The following PCDH7 variants were observed in gnomAD, a reference collection of about 807,000 sequenced individuals.
PCDH7 encodes protocadherin-7.
A neutral mutation model predicts 58.9 loss-of-function variants in PCDH7; 17 were observed. That is an observed-to-expected ratio of 0.29 (90% CI 0.20 to 0.43). PCDH7 has a LOEUF of 0.43. Ranked by LOEUF, PCDH7 falls within the 20% of genes least tolerant of loss-of-function variation. The probability of loss-of-function intolerance (pLI) is 1.00; values close to 1 mark genes in which losing one functional copy is unlikely to be tolerated. For missense variants in PCDH7, 1,274 were observed against 1,441.0 expected (o/e 0.88, Z 1.88); for synonymous variants, 664 against 616.4 (o/e 1.08, Z -1.14).
chr4:30,849,864 G>A (rs1732484547), intron 1 of PCDH7, among the ~76,000 whole-genome samples: 1 of 152,034 alleles, frequency 6.6e-6, no homozygotes, highest in African/African-American at 2.4e-5. Flanking sequence ...ATCTGTGTTA[G>A]TCTGGGACTT....
At chr4:31,052,406 G>A (rs545883320) in intron 3 of PCDH7, among the ~76,000 whole-genome samples, 170 of 152,190 alleles carry the variant, frequency 1.1e-3, no homozygotes, top group Admixed American at 3.5e-3. Flanking sequence ...ACAGATTCTT[G>A]GAGTTTACAA....
At chr4:30,879,444 A>AT (rs138466060) in intron 1 of PCDH7, among the ~76,000 whole-genome samples, 10,617 of 151,154 alleles carry the variant, frequency 0.07, 492 homozygotes, top group East Asian at 0.14. Flanking sequence ...ATATTAGAGT[A>AT]TTTTTTTTTG....
At chr4:30,836,262 C>T (rs1366859413) in intron 1 of PCDH7, among the ~76,000 whole-genome samples, 1 of 152,094 alleles carries the variant, frequency 6.6e-6, no homozygotes, top group Non-Finnish European at 1.5e-5. Context: ...GTAGTCTATA[C>T]CCTTACAGAG....
intron 1 of PCDH7, among the ~76,000 whole-genome samples, chr4:30,783,833 CAGCTT>C (rs1475422141): frequency 6.6e-6 from 1 of 152,066 alleles, no homozygotes; most frequent in African/African-American, 2.4e-5. Context: ...GTAAAGTTCT[CAGCTT>C]AATTTAGCCT....
At chr4:30,988,416 T>A in intron 3 of PCDH7, among the ~76,000 whole-genome samples, 1 of 152,204 alleles carries the variant, frequency 6.6e-6, no homozygotes, top group Non-Finnish European at 1.5e-5. Context: ...AACACTATAG[T>A]CTGAATTAAA....
intron 1 of PCDH7, among the ~76,000 whole-genome samples, chr4:30,852,686 G>A (rs1281353215): frequency 2.0e-5 from 3 of 151,780 alleles, no homozygotes; most frequent in Admixed American, 2.0e-4. Flanking sequence ...TAATAATATT[G>A]TGCCCTCCAA....
At chr4:30,855,462 G>C (rs549525894) in intron 1 of PCDH7, among the ~76,000 whole-genome samples, 4 of 152,098 alleles carry the variant, frequency 2.6e-5, no homozygotes, top group Non-Finnish European at 5.9e-5. Flanking sequence ...TGCTGTTTGC[G>C]GCAAACTCAT....
chr4:30,740,560 A>T (rs1240739900), intron 1 of PCDH7, among the ~76,000 whole-genome samples: 1 of 151,924 alleles, frequency 6.6e-6, no homozygotes, highest in Non-Finnish European at 1.5e-5. Flanking sequence ...ATTTTTGTTG[A>T]TTGCCAATTG....
At chr4:30,748,010 C>G (rs1038490703) in intron 1 of PCDH7, among the ~76,000 whole-genome samples, 3 of 152,088 alleles carry the variant, frequency 2.0e-5, no homozygotes, top group African/African-American at 7.2e-5. Flanking sequence ...TAAACAAATT[C>G]AGAGATAGCA....
chr4:31,117,207 T>C (rs1038603169), intron 3 of PCDH7, among the ~76,000 whole-genome samples: 2 of 152,076 alleles, frequency 1.3e-5, no homozygotes, highest in Non-Finnish European at 2.9e-5. Context: ...ATATGCCAGA[T>C]TGTGTTTTAA....
At chr4:30,928,679 G>A (rs1312639183) in intron 2 of PCDH7, among the ~76,000 whole-genome samples, 16 of 152,116 alleles carry the variant, frequency 1.1e-4, no homozygotes, top group Admixed American at 7.9e-4. Context: ...AATTATAGAC[G>A]CAAGTTTTGA....
chr4:30,773,023 T>C (rs1721612136), intron 1 of PCDH7, among the ~76,000 whole-genome samples: 1 of 152,168 alleles, frequency 6.6e-6, no homozygotes, highest in Non-Finnish European at 1.5e-5. Context: ...CACCTCAATC[T>C]TCCAAGTAGC....
chr4:30,747,316 A>G (rs1302719635), intron 1 of PCDH7, among the ~76,000 whole-genome samples: 1 of 152,178 alleles, frequency 6.6e-6, no homozygotes, highest in Non-Finnish European at 1.5e-5. Context: ...TTATTCATTT[A>G]TTAGCTTCCC....
rs1758040610 is a variant in PCDH7, at chr4:31,065,858, A to AG, written c.*8-76615_*8-76614insG. Among the ~76,000 whole-genome samples the AG allele has an allele frequency of 5.3e-5, 8 of 152,060 alleles. No homozygotes were observed. In the South Asian group the frequency reaches 1.7e-3, roughly 32 times the overall value. On this transcript the variant is annotated intron_variant, in intron 3 of 3. Transcript: ENST00000509759. ...AATCTTTTGGAACCAGGAAAAAAAA[A>AG]TTACTTTATGTCAGGATTCTTTTAA...
At chr4:31,065,027 G>A (rs2109243594) in intron 3 of PCDH7, among the ~76,000 whole-genome samples, 1 of 151,990 alleles carries the variant, frequency 6.6e-6, no homozygotes, top group Non-Finnish European at 1.5e-5. Flanking sequence ...AAAAGTTAAA[G>A]AGTTTTAATT....
chr4:31,142,796 G>C, exon 4 of PCDH7: 1 of 1,367,036 alleles, frequency 7.3e-7, no homozygotes, highest in South Asian at 1.1e-5. Context: ...AAAAACAGGG[G>C]AATATAAGCC....
rs189690463 is a variant in PCDH7 at position 31,134,324 on chromosome 4, G to A, written c.*8-8149G>A. ...AAAACACACAAATTAGCTGGGCATG[G>A]GGGTACATCCCTGTAATCCCAGCTA... On this transcript the variant is annotated intron_variant, in intron 3 of 3. Coordinates refer to the PCDH7 transcript ENST00000509759. Among the ~76,000 whole-genome samples, 820 of 152,200 alleles carry A rather than the reference G, an allele frequency of 5.4e-3. 7 individuals carry two copies. Among genetic ancestry groups the A allele is most frequent in the Middle Eastern group, 0.01 (3 of 294 alleles).
At chr4:30,816,639 CTTCA>C (rs1727711011) in intron 1 of PCDH7, among the ~76,000 whole-genome samples, 1 of 151,738 alleles carries the variant, frequency 6.6e-6, no homozygotes, top group Non-Finnish European at 1.5e-5. Context: ...TTTTTCCTCT[CTTCA>C]TTTAGGCAAT....
intron 3 of PCDH7, among the ~76,000 whole-genome samples, chr4:31,070,857 A>C (rs942311453): frequency 6.6e-6 from 1 of 152,122 alleles, no homozygotes; most frequent in Non-Finnish European, 1.5e-5. Flanking sequence ...AGATTCATGA[A>C]GATGAACAAA....
Sources: gnomAD v4.1 joint callset for allele counts (sites outside exome capture counted in the v4.1 genomes callset) on GRCh38, gnomAD v4.1.1 for gene constraint, MANE v1.5 for transcripts, NCBI Gene and HGNC (gene_info 2026-07-23, HGNC 2026-07-21) for gene names.